Variants in DYNC1I1 observed in about 807,000 individuals in gnomAD.
DYNC1I1 encodes dynein cytoplasmic 1 intermediate chain 1.
In DYNC1I1, 43 loss-of-function variants were observed where a neutral mutation model predicts 86.6. The ratio of observed to expected loss-of-function variants is 0.50; its 90% CI spans 0.39 to 0.64. The LOEUF (loss-of-function observed/expected upper bound fraction) is 0.64. Among genes scored for constraint, DYNC1I1 ranks in the 30% least tolerant of loss-of-function variants. The pLI, the probability that DYNC1I1 is intolerant of heterozygous loss-of-function variation, is 0.00. For missense variants in DYNC1I1, 604 were observed against 788.8 expected (o/e 0.77, Z 2.81); for synonymous variants, 262 against 283.7 (o/e 0.92, Z 0.77).
At chr7:95,863,260 A>G (rs778929989) in intron 5 of DYNC1I1, among the ~76,000 whole-genome samples, 20 of 152,220 alleles carry the variant, frequency 1.3e-4, no homozygotes, top group Non-Finnish European at 2.2e-4. Context: ...AAAAATAGTG[A>G]GACAAAAAGG....
chr7:95,847,428 C>G (rs752565988), intron 5 of DYNC1I1, among the ~76,000 whole-genome samples: 2 of 152,174 alleles, frequency 1.3e-5, no homozygotes, highest in Non-Finnish European at 2.9e-5. Context: ...TCCATTTTCT[C>G]CACCCTCAGC....
intron 6 of DYNC1I1, among the ~76,000 whole-genome samples, chr7:95,948,436 T>A (rs764103914): frequency 6.6e-6 from 1 of 152,136 alleles, no homozygotes; most frequent in Non-Finnish European, 1.5e-5. Context: ...ATCATCAGTA[T>A]GGACTCAAGC....
chr7:96,094,806 C>G (rs1318104567), intron 16 of DYNC1I1, among the ~76,000 whole-genome samples: 1 of 152,114 alleles, frequency 6.6e-6, no homozygotes, highest in Non-Finnish European at 1.5e-5. Context: ...AAATTGATTT[C>G]AAGTTTCTAG....
chr7:96,083,735 T>C (rs1171104510), intron 16 of DYNC1I1, among the ~76,000 whole-genome samples: 1 of 152,076 alleles, frequency 6.6e-6, no homozygotes, highest in Non-Finnish European at 1.5e-5. Context: ...AAGAAACAAA[T>C]AAGGTATTGA....
chr7:95,968,709 T>C (rs1793081571), intron 6 of DYNC1I1, among the ~76,000 whole-genome samples: 1 of 152,142 alleles, frequency 6.6e-6, no homozygotes, highest in Admixed American at 6.5e-5. Flanking sequence ...AGAATGGAAT[T>C]GTCTAAAAGC....
intron 14 of DYNC1I1, among the ~76,000 whole-genome samples, chr7:96,044,642 T>C (rs1011683598): frequency 2.9e-4 from 44 of 152,212 alleles, no homozygotes; most frequent in African/African-American, 1.1e-3. Flanking sequence ...ATCTCTTCTG[T>C]TGTAACAGAA....
chr7:96,063,529 G>T (rs1312058901), intron 14 of DYNC1I1, among the ~76,000 whole-genome samples: 1 of 152,146 alleles, frequency 6.6e-6, no homozygotes, highest in African/African-American at 2.4e-5. Flanking sequence ...TTCCTCTGAA[G>T]CCTCTCGCTT....
At chr7:95,827,293 A>T (rs185983762) in intron 4 of DYNC1I1, among the ~76,000 whole-genome samples, 3 of 152,330 alleles carry the variant, frequency 2.0e-5, no homozygotes, top group Non-Finnish European at 4.4e-5. Flanking sequence ...ACTGTGCAGG[A>T]TATTTAAAGA....
At chr7:95,944,722 T>A (rs530147318) in intron 6 of DYNC1I1, among the ~76,000 whole-genome samples, 2,197 of 152,096 alleles carry the variant, frequency 0.014, 53 homozygotes, top group African/African-American at 0.05. Context: ...TGTCCTTTGG[T>A]GGGACATGGA....
rs147343747 is a variant in DYNC1I1 at position 95,855,701 on chromosome 7, T to C, written c.375-14182T>C. On this transcript the variant is annotated intron_variant, in intron 5 of 16. Coordinates refer to ENST00000447467, the MANE Select transcript of DYNC1I1 (RefSeq NM_001135556.2). ...CAAACCTGTATGACATGTTACTATATTGAATACTATAGGCAGTTGTAGAAC... is the reference window on the plus strand; with the variant it reads ...CAAACCTGTATGACATGTTACTATACTGAATACTATAGGCAGTTGTAGAAC... 2.6e-5 allele frequency among the ~76,000 whole-genome samples: 4 copies of C among 152,330 alleles called. No individual in the cohort carries two copies. In the East Asian group the frequency reaches 7.7e-4, roughly 29 times the overall value.
At chr7:95,848,205 G>A (rs1289029125) in intron 5 of DYNC1I1, among the ~76,000 whole-genome samples, 2 of 91,968 alleles carry the variant, frequency 2.2e-5, no homozygotes, top group Non-Finnish European at 4.5e-5. Flanking sequence ...TTGACTTACA[G>A]TTGTTTTTTT....
At chr7:95,867,545 G>A (rs142434940) in intron 5 of DYNC1I1, among the ~76,000 whole-genome samples, 1 of 152,314 alleles carries the variant, frequency 6.6e-6, no homozygotes, top group Non-Finnish European at 1.5e-5. Flanking sequence ...CGCCATGGTG[G>A]AGTATCAAAT....
At chr7:96,100,734 A>C (rs895606513), downstream of DYNC1I1, among the ~76,000 whole-genome samples, 2 of 151,210 alleles carry the variant, frequency 1.3e-5, no homozygotes, top group African/African-American at 4.9e-5. Flanking sequence ...GAGCCTAAAG[A>C]ATAGGGTCAC....
At chr7:96,099,214 A>ACAAAGG (rs1249596492), downstream of DYNC1I1, among the ~76,000 whole-genome samples, 1 of 152,214 alleles carries the variant, frequency 6.6e-6, no homozygotes, top group Non-Finnish European at 1.5e-5. Context: ...TGTGAAAAGT[A>ACAAAGG]CAAAGGCCTG....
intron 16 of DYNC1I1, among the ~76,000 whole-genome samples, chr7:96,096,261 G>A (rs1174063256): frequency 6.6e-6 from 1 of 151,926 alleles, no homozygotes; most frequent in African/African-American, 2.4e-5. Flanking sequence ...CTGTGTGGTG[G>A]GAAATTTTCC....
intron 16 of DYNC1I1, among the ~76,000 whole-genome samples, chr7:96,092,332 T>C (rs1790873870): frequency 6.6e-6 from 1 of 152,198 alleles, no homozygotes; most frequent in Non-Finnish European, 1.5e-5. Context: ...ACAAGCACTG[T>C]GTTAAGCTTA....
intron 4 of DYNC1I1, among the ~76,000 whole-genome samples, chr7:95,823,072 A>G (rs1374873033): frequency 6.6e-6 from 1 of 152,220 alleles, no homozygotes; most frequent in Non-Finnish European, 1.5e-5. Flanking sequence ...AGACTTTGTT[A>G]GGCTTATATA....
intron 10 of DYNC1I1, among the ~76,000 whole-genome samples, chr7:96,027,509 T>C (rs1794709494): frequency 6.6e-6 from 1 of 152,168 alleles, no homozygotes; most frequent in African/African-American, 2.4e-5. Context: ...AGAGCTGGAC[T>C]GAGATCCATT....
At chr7:95,964,869 A>G (rs1014079270) in intron 6 of DYNC1I1, among the ~76,000 whole-genome samples, 2 of 152,230 alleles carry the variant, frequency 1.3e-5, no homozygotes, top group African/African-American at 2.4e-5. Flanking sequence ...TTGGATAAAG[A>G]GTATTCCAGG....
Sources: allele counts gnomAD v4.1 joint callset (sites outside exome capture counted in the v4.1 genomes callset), GRCh38; gene constraint gnomAD v4.1.1; transcripts MANE v1.5; gene names NCBI Gene and HGNC (gene_info 2026-07-23, HGNC 2026-07-21).